The following ANKRD6 variants were observed in gnomAD, a reference collection of about 807,000 sequenced individuals.
The protein encoded by ANKRD6 is ankyrin repeat domain 6.
In ANKRD6, 56 loss-of-function variants were observed where a neutral mutation model predicts 82.3. The ratio of observed to expected loss-of-function variants is 0.68; its 90% CI spans 0.55 to 0.85. The LOEUF (loss-of-function observed/expected upper bound fraction) is 0.85, where lower values mean the gene tolerates loss of function less well. Ranked by LOEUF, ANKRD6 falls within the 40% of genes least tolerant of loss-of-function variation. ANKRD6 has a pLI of 0.00. For missense variants in ANKRD6, 852 were observed against 907.6 expected, an observed-to-expected ratio of 0.94 and a Z score of 0.79; for synonymous variants, 347 against 352.1, an observed-to-expected ratio of 0.99 and a Z score of 0.16.
chr6:89,478,715 C>A (rs1350095444), intron 1 of ANKRD6, among the ~76,000 whole-genome samples: 1 of 149,166 alleles, frequency 6.7e-6, no homozygotes, highest in Non-Finnish European at 1.5e-5. Context: ...TGAGATTGCA[C>A]CACTGCACTC....
At chr6:89,573,577 C>A (rs1390492270) in intron 2 of ANKRD6, among the ~76,000 whole-genome samples, 1 of 152,190 alleles carries the variant, frequency 6.6e-6, no homozygotes, top group Non-Finnish European at 1.5e-5. Context: ...GAACCCATGT[C>A]ACTCTAACTT....
intron 7 of ANKRD6, among the ~76,000 whole-genome samples, chr6:89,614,841 A>AAC (rs1201543610): frequency 6.8e-6 from 1 of 147,778 alleles, no homozygotes; most frequent in East Asian, 2.0e-4. Context: ...TTTAAAGGAA[A>AAC]AAAAAAAAAA....
At chr6:89,472,776 G>T (rs980161225) in intron 1 of ANKRD6, among the ~76,000 whole-genome samples, 2 of 152,096 alleles carry the variant, frequency 1.3e-5, no homozygotes, top group Non-Finnish European at 2.9e-5. Context: ...ATTCAGAGAC[G>T]GTTCTGCCGG....
intron 2 of ANKRD6, among the ~76,000 whole-genome samples, chr6:89,567,664 A>G (rs146590919): frequency 6.6e-6 from 1 of 152,382 alleles, no homozygotes; most frequent in Non-Finnish European, 1.5e-5. Context: ...TAGCAAAGCC[A>G]AGAAAAGGCA....
At chr6:89,518,060 T>A (rs1452910025) in intron 1 of ANKRD6, among the ~76,000 whole-genome samples, 1 of 152,260 alleles carries the variant, frequency 6.6e-6, no homozygotes, top group African/African-American at 2.4e-5. Context: ...ACATGGTTCC[T>A]GTTTTCATGG....
At chr6:89,524,430 A>G (rs1028636893) in intron 1 of ANKRD6, among the ~76,000 whole-genome samples, 3 of 152,132 alleles carry the variant, frequency 2.0e-5, no homozygotes, top group African/African-American at 4.8e-5. Flanking sequence ...GCTTAGAATA[A>G]TGGTCTCCTA....
At chr6:89,472,874 CCATGGTCACTGTCCG>C (rs1447223488) in intron 1 of ANKRD6, among the ~76,000 whole-genome samples, 1 of 152,286 alleles carries the variant, frequency 6.6e-6, no homozygotes, top group Non-Finnish European at 1.5e-5. Context: ...CCATCCACCC[CCATGGTCACTGTCCG>C]CATGGTCACT....
intron 1 of ANKRD6, among the ~76,000 whole-genome samples, chr6:89,442,139 G>A (rs1438653738): frequency 1.3e-5 from 2 of 152,040 alleles, no homozygotes; most frequent in African/African-American, 4.8e-5. Flanking sequence ...GGGATTACAC[G>A]CATGCGCTCC....
chr6:89,627,672 G>A lies in ANKRD6; in HGVS notation c.1461G>A (p.Glu487=). ...LNRLQQHSDT[E]KHEGEKRQIS... is the part of the protein sequence containing the mutation. ...GCCTGCAACAGCACTCAGACACAGA[G>A]AAGCATGAGGGGGAGAAACGACAGG... Residue 487 remains glutamate (E), a synonymous_variant, in exon 14 of 16, where the codon GAG becomes GAA. Coordinates refer to ENST00000339746, the MANE Select transcript of ANKRD6 (RefSeq NM_001242809.2). 6.2e-7 allele frequency: 1 copy of A among 1,613,282 alleles called. No individual in the cohort carries two copies. The highest frequency in any genetic ancestry group is 8.5e-7 in the Non-Finnish European group (1 of 1,179,560).
At chr6:89,602,972 G>T in intron 3 of ANKRD6, 57 bp from the exon 4 acceptor site, 1 of 1,428,102 alleles carries the variant, frequency 7.0e-7, no homozygotes, top group Non-Finnish European at 9.6e-7. Context: ...AGTGAGTAGT[G>T]CAAGCAGGGG....
At position 89,558,884 on chromosome 6, in the gene ANKRD6, G is replaced by A. The variant is rs370328766; in HGVS notation, c.-143-7950G>A. ...CCAATTTTTCTGTAAACTTAAAATC[G>A]CTCTAAAAGTCTATCAGTGAAGATA... On this transcript the variant is annotated intron_variant, in intron 1 of 15. Coordinates refer to ENST00000339746, the MANE Select transcript of ANKRD6 (RefSeq NM_001242809.2). Among the ~76,000 whole-genome samples the A allele has an allele frequency of 1.1e-4, 17 of 152,006 alleles. 2 individuals carry two copies. Among genetic ancestry groups the A allele is most frequent in the South Asian group, 1.0e-3 (5 of 4,820 alleles).
intron 13 of ANKRD6, among the ~76,000 whole-genome samples, chr6:89,626,956 C>G (rs1805885621): frequency 6.6e-6 from 1 of 152,262 alleles, no homozygotes; most frequent in Admixed American, 6.5e-5. Flanking sequence ...TAGGCAACCA[C>G]TAACATTTTT....
At chr6:89,445,125 C>CGTCT (rs1771902231) in intron 1 of ANKRD6, among the ~76,000 whole-genome samples, 2 of 152,056 alleles carry the variant, frequency 1.3e-5, no homozygotes, top group Admixed American at 1.3e-4. Context: ...CTGTGTTGAG[C>CGTCT]GTCTATCAAT....
At chr6:89,491,589 G>A (rs1778011735) in intron 1 of ANKRD6, among the ~76,000 whole-genome samples, 1 of 151,046 alleles carries the variant, frequency 6.6e-6, no homozygotes, top group African/African-American at 2.4e-5. Context: ...ATTGAACAAT[G>A]AGAACACTTG....
At chr6:89,619,215 G>A (rs1033635483) in intron 9 of ANKRD6, among the ~76,000 whole-genome samples, 2 of 152,038 alleles carry the variant, frequency 1.3e-5, no homozygotes, top group Non-Finnish European at 2.9e-5. Flanking sequence ...GAAAAGCTGC[G>A]GGGTTTCCAC....
chr6:89,599,555 G>A (rs893995138), intron 3 of ANKRD6, among the ~76,000 whole-genome samples: 2 of 152,168 alleles, frequency 1.3e-5, no homozygotes, highest in African/African-American at 4.8e-5. Flanking sequence ...GTCATTTCAA[G>A]GAGGAAATGT....
chr6:89,529,020 G>A (rs1002339018), intron 1 of ANKRD6, among the ~76,000 whole-genome samples: 4 of 152,172 alleles, frequency 2.6e-5, no homozygotes, highest in African/African-American at 4.8e-5. Context: ...TAATTTGAAA[G>A]GGCCCTGGGA....
chr6:89,489,687 G>A (rs1034590203), intron 1 of ANKRD6, among the ~76,000 whole-genome samples: 3 of 152,292 alleles, frequency 2.0e-5, no homozygotes, highest in South Asian at 2.1e-4. Context: ...TGCCCATTTC[G>A]TTGGAGCTGG....
At chr6:89,521,622 A>G (rs1781900389) in intron 1 of ANKRD6, among the ~76,000 whole-genome samples, 1 of 152,242 alleles carries the variant, frequency 6.6e-6, no homozygotes, top group Admixed American at 6.5e-5. Flanking sequence ...CAGTTGTGGT[A>G]CTTACTAATC....
Sources: gnomAD v4.1 joint callset for allele counts (sites outside exome capture counted in the v4.1 genomes callset) on GRCh38, gnomAD v4.1.1 for gene constraint, MANE v1.5 for transcripts, NCBI Gene and HGNC (gene_info 2026-07-23, HGNC 2026-07-21) for gene names.